The following LINGO2 variants were observed in gnomAD, a reference collection of about 807,000 sequenced individuals.
The protein encoded by LINGO2 is leucine rich repeat and Ig domain containing 2, also known as leucine-rich repeat and immunoglobulin-like domain-containing nogo receptor-interacting protein 2.
Under a neutral mutation model 30.6 loss-of-function variants are expected in LINGO2, and 14 were observed. The observed-to-expected ratio is 0.46, with a 90% confidence interval of 0.30 to 0.72. LINGO2 has a LOEUF of 0.72. Ranked by LOEUF, LINGO2 falls within the 30% of genes least tolerant of loss-of-function variation. LINGO2 has a pLI of 0.07. For synonymous variants in LINGO2, 317 were observed against 288.5 expected (o/e 1.10, Z -1.00); for missense variants, 729 against 751.7 (o/e 0.97, Z 0.35).
intron 4 of LINGO2, among the ~76,000 whole-genome samples, chr9:28,125,116 A>C (rs1386036194): frequency 6.6e-6 from 1 of 152,226 alleles, no homozygotes; most frequent in Non-Finnish European, 1.5e-5. Flanking sequence ...TGAAGAGAAC[A>C]TATATTCTTC....
At chr9:28,169,602 G>A (rs1452851199) in intron 4 of LINGO2, among the ~76,000 whole-genome samples, 5 of 152,160 alleles carry the variant, frequency 3.3e-5, no homozygotes, top group Admixed American at 6.5e-5. Flanking sequence ...GTTACGTAGT[G>A]AATAAAATGG....
the LINGO2 span, among the ~76,000 whole-genome samples, chr9:29,057,988 T>C: frequency 1.3e-5 from 2 of 151,916 alleles, no homozygotes; most frequent in Non-Finnish European, 1.5e-5. Flanking sequence ...TGAAACAAAA[T>C]TGAATAATCT....
At chr9:28,355,193 C>G (rs1316339231) in intron 3 of LINGO2, among the ~76,000 whole-genome samples, 1 of 151,762 alleles carries the variant, frequency 6.6e-6, no homozygotes, top group Non-Finnish European at 1.5e-5. Context: ...CTTCATTGCC[C>G]CAGGTTGTAT....
chr9:29,020,574 G>C, the LINGO2 span, among the ~76,000 whole-genome samples: 1 of 83,968 alleles, frequency 1.2e-5, no homozygotes, highest in Non-Finnish European at 3.4e-5. Context: ...AAAGGGAGAA[G>C]GCCAAGTACC....
At chr9:28,688,851 C>G in the LINGO2 span, among the ~76,000 whole-genome samples, 1 of 152,144 alleles carries the variant, frequency 6.6e-6, no homozygotes, top group African/African-American at 2.4e-5. Flanking sequence ...TATCTGTGCA[C>G]ATAACGTCCT....
chr9:28,310,756 A>G (rs1824582571), intron 3 of LINGO2, among the ~76,000 whole-genome samples: 1 of 152,198 alleles, frequency 6.6e-6, no homozygotes, highest in Non-Finnish European at 1.5e-5. Context: ...TGATTTAAAT[A>G]AACAAATGGG....
the LINGO2 span, among the ~76,000 whole-genome samples, chr9:28,921,636 A>AAG: frequency 7.8e-3 from 1,194 of 152,216 alleles, 25 homozygotes; most frequent in African/African-American, 0.027. Flanking sequence ...AGCAAGGAGG[A>AAG]AGAGAGAGAG....
chr9:27,999,375 G>A lies in LINGO2; in HGVS notation c.-36+12980C>T, dbSNP rs143779946. Among the ~76,000 whole-genome samples, 865 of 151,834 alleles carry A rather than the reference G, an allele frequency of 5.7e-3. 6 individuals carry two copies. Among genetic ancestry groups the A allele is most frequent in the African/African-American group, 0.02 (831 of 41,354 alleles). On this transcript the variant is annotated intron_variant, in intron 5 of 5. Coordinates refer to ENST00000379992, the Ensembl canonical transcript of LINGO2. ...GTGTGCAGGTGTAACTTGCCAGCTG[G>A]CCGACGAACTGCAGATTTGACTTCA... is the stretch of plus-strand genomic sequence containing the variant.
intron 4 of LINGO2, among the ~76,000 whole-genome samples, chr9:28,062,368 A>G (rs1042446835): frequency 1.3e-5 from 2 of 150,964 alleles, no homozygotes; most frequent in Non-Finnish European, 3.0e-5. Flanking sequence ...ATCACTGCAA[A>G]TATCTCTGTT....
chr9:28,729,518 A>C, the LINGO2 span, among the ~76,000 whole-genome samples: 1 of 152,114 alleles, frequency 6.6e-6, no homozygotes, highest in Non-Finnish European at 1.5e-5. Context: ...TGGCAGAGAT[A>C]AGATCCATGA....
intron 4 of LINGO2, among the ~76,000 whole-genome samples, chr9:28,224,704 C>A (rs1461550363): frequency 6.6e-6 from 1 of 152,090 alleles, no homozygotes; most frequent in Non-Finnish European, 1.5e-5. Flanking sequence ...TACTTTCTAT[C>A]TTCATGAAAT....
chr9:28,763,444 G>C, the LINGO2 span, among the ~76,000 whole-genome samples: 1 of 151,830 alleles, frequency 6.6e-6, no homozygotes, highest in Non-Finnish European at 1.5e-5. Context: ...TAATCACTGG[G>C]TTAAAAAGGA....
At chr9:29,103,890 C>A in the LINGO2 span, among the ~76,000 whole-genome samples, 1 of 152,244 alleles carries the variant, frequency 6.6e-6, no homozygotes, top group African/African-American at 2.4e-5. Flanking sequence ...GGATTTAAAT[C>A]CCAACTTCAA....
chr9:28,220,017 T>C (rs1481976194), intron 4 of LINGO2, among the ~76,000 whole-genome samples: 1 of 152,196 alleles, frequency 6.6e-6, no homozygotes, highest in Non-Finnish European at 1.5e-5. Context: ...ACAAAGTTTT[T>C]TTCTGGTCAT....
intron 4 of LINGO2, among the ~76,000 whole-genome samples, chr9:28,106,226 G>T (rs1826588383): frequency 6.6e-6 from 1 of 151,986 alleles, no homozygotes; most frequent in Non-Finnish European, 1.5e-5. Context: ...AAAAGATTGG[G>T]GACTGCTGGT....
At chr9:28,726,258 G>A in the LINGO2 span, among the ~76,000 whole-genome samples, 1 of 152,036 alleles carries the variant, frequency 6.6e-6, no homozygotes. Flanking sequence ...GAACATGAGT[G>A]GAAAATGGGA....
the LINGO2 span, among the ~76,000 whole-genome samples, chr9:29,089,399 T>C: frequency 6.6e-6 from 1 of 151,928 alleles, no homozygotes; most frequent in Non-Finnish European, 1.5e-5. Flanking sequence ...GTAGTAATAG[T>C]ATTATTATCT....
the LINGO2 span, among the ~76,000 whole-genome samples, chr9:29,017,861 C>T: frequency 5.2e-3 from 784 of 151,946 alleles, 6 homozygotes; most frequent in African/African-American, 0.018. Context: ...CAGAGACTTC[C>T]ATGGGTCTTG....
intron 5 of LINGO2, among the ~76,000 whole-genome samples, chr9:28,005,547 ATATACT>A (rs1822222252): frequency 6.6e-6 from 1 of 151,756 alleles, no homozygotes; most frequent in Non-Finnish European, 1.5e-5. Context: ...TTCCAAATTG[ATATACT>A]TATTTTTTAA....
Sources: allele counts gnomAD v4.1 joint callset (sites outside exome capture counted in the v4.1 genomes callset), GRCh38; gene constraint gnomAD v4.1.1; transcripts MANE v1.5; gene names NCBI Gene and HGNC (gene_info 2026-07-23, HGNC 2026-07-21).